The following MAPT variants were observed in gnomAD, a reference collection of about 807,000 sequenced individuals.
MAPT encodes microtubule-associated protein tau.
Under a neutral mutation model 67.9 loss-of-function variants are expected in MAPT, and 34 were observed. The observed-to-expected ratio is 0.50, with a 90% CI of 0.38 to 0.67. The LOEUF is 0.67. Among genes scored for constraint, MAPT ranks in the 30% least tolerant of loss-of-function variants. The pLI, the probability that MAPT is intolerant of heterozygous loss-of-function variation, is 0.00. For synonymous variants in MAPT, 456 were observed against 464.5 expected, an observed-to-expected ratio of 0.98 and a Z score of 0.23; for missense variants, 881 against 1,115.2, an observed-to-expected ratio of 0.79 and a Z score of 2.99.
chr17:45,997,405 C>T (rs1000324078), intron 9 of MAPT, among the ~76,000 whole-genome samples: 3 of 152,174 alleles, frequency 2.0e-5, no homozygotes, highest in South Asian at 2.1e-4. Flanking sequence ...TGTCCTGCAC[C>T]GCTGCAGTCT....
rs548280184 is a variant in MAPT, at chr17:45,974,057, A to G, written c.220+2112A>G. ...CTTAAGGATCATATAGTTGTAAGCA[A>G]TCATCTGGTTTTCAGTATTTCTTCT... On this transcript the variant is annotated intron_variant, in intron 3 of 12. Transcript: ENST00000262410. The G allele has an allele frequency of 7.2e-4, 283 of 394,554 alleles. 4 individuals are homozygous for G. The highest frequency in any genetic ancestry group is 6.7e-3 in the South Asian group (271 of 40,636). 24.4% of individuals were successfully genotyped at this position (394,554 alleles called of 1,614,324 possible).
chr17:45,938,637 T>A (rs1247358659), intron 1 of MAPT, among the ~76,000 whole-genome samples: 1 of 149,358 alleles, frequency 6.7e-6, no homozygotes, highest in African/African-American at 2.4e-5. Flanking sequence ...TTCATTTTTT[T>A]AATTAAGATT....
chr17:45,932,769 A>G (rs2066962251), intron 1 of MAPT, among the ~76,000 whole-genome samples: 1 of 152,168 alleles, frequency 6.6e-6, no homozygotes, highest in Admixed American at 6.5e-5. Context: ...ACTAACACTG[A>G]GATCGCACCA....
chr17:46,020,621 A>G (rs2076472911), intron 12 of MAPT, among the ~76,000 whole-genome samples: 1 of 152,206 alleles, frequency 6.6e-6, no homozygotes, highest in South Asian at 2.1e-4. Context: ...GAGGCCTGAC[A>G]ATCATGGTGG....
rs2067963357 is a variant in MAPT, at chr17:45,941,699, CTGCCTG to C, written c.-17-20621_-17-20616del. 9.9e-5 allele frequency among the ~76,000 whole-genome samples: 6 copies of C among 60,578 alleles called. 1 individual carries two copies. Among genetic ancestry groups the C allele is most frequent in the Non-Finnish European group, 1.7e-4 (5 of 29,304 alleles). 39.7% of individuals were successfully genotyped at this position (60,578 alleles called of 152,430 possible). On this transcript the variant is annotated intron_variant, in intron 1 of 12. Coordinates refer to ENST00000262410, the MANE Select transcript of MAPT (RefSeq NM_001377265.1). ...CCTTCCCTCCTTCCTTCCTTCCTTC[CTGCCTG>C]CCTTCCTTCCTTCCTTCCTTCCTTC...
Position 46,028,159 on chromosome 17 carries a change from G to C in MAPT, c.*3988G>C, listed in dbSNP as rs545086637. 9 of 126,214 alleles carry C rather than the reference G, an allele frequency of 7.1e-5. No individual in the cohort carries two copies. The highest frequency in any genetic ancestry group is 1.8e-4 in the African/African-American group (6 of 33,258). The allele number at this position is 126,214 out of a possible 1,614,324, so 7.8% of individuals were successfully genotyped here. On this transcript the variant is annotated 3_prime_UTR_variant, in exon 13 of 13. Coordinates refer to ENST00000262410, the MANE Select transcript of MAPT (RefSeq NM_001377265.1). ...TTGAGCAGGACTATTTCTGGCACTT[G>C]CAAGTCCCATGATTTCTTCGGTAAT...
chr17:46,009,332 A>G (rs2075665165), intron 9 of MAPT, among the ~76,000 whole-genome samples: 1 of 152,162 alleles, frequency 6.6e-6, no homozygotes, highest in African/African-American at 2.4e-5. Flanking sequence ...AGTTTTTCCA[A>G]CTCCCTAAAC....
At chr17:45,930,167 A>G (rs979871823) in intron 1 of MAPT, among the ~76,000 whole-genome samples, 14 of 152,218 alleles carry the variant, frequency 9.2e-5, no homozygotes, top group East Asian at 7.7e-4. Context: ...TGGGAGGCCA[A>G]GACAGATTGA....
At chr17:46,008,222 G>A (rs997971757) in intron 9 of MAPT, among the ~76,000 whole-genome samples, 7 of 152,108 alleles carry the variant, frequency 4.6e-5, no homozygotes, top group East Asian at 1.9e-4. Context: ...TCAACCTCCC[G>A]AGTAGCTGGG....
chr17:46,001,215 T>C (rs2074972009), intron 9 of MAPT, among the ~76,000 whole-genome samples: 2 of 152,152 alleles, frequency 1.3e-5, no homozygotes, highest in South Asian at 4.1e-4. Flanking sequence ...GGCGAGACCC[T>C]GTATCAAAAA....
At position 45,999,631 on chromosome 17, in the gene MAPT, A is replaced by AG. The variant is rs766928748; in HGVS notation, c.1998+2971dup. The AG allele has an allele frequency of 3.1e-6, 5 of 1,610,752 alleles. No homozygotes were observed. In the South Asian group the frequency reaches 5.5e-5, roughly 18 times the overall value. On this transcript the variant is annotated intron_variant, in intron 9 of 12. Coordinates refer to ENST00000262410, the MANE Select transcript of MAPT (RefSeq NM_001377265.1). Reference sequence around the variant, plus strand: ...TGCAGCTGCCCTGCCTCTGCCCATGAGGGGTGAGAGTCAGGCGACCTCATG... The same window carrying AG: ...TGCAGCTGCCCTGCCTCTGCCCATGAGGGGGTGAGAGTCAGGCGACCTCATG...
chr17:45,933,299 A>C (rs2067020613), intron 1 of MAPT, among the ~76,000 whole-genome samples: 1 of 144,398 alleles, frequency 6.9e-6, no homozygotes. Flanking sequence ...GCTGGAATGC[A>C]GTGACTGCAG....
At chr17:45,967,506 C>T (rs2071208520) in intron 2 of MAPT, among the ~76,000 whole-genome samples, 1 of 152,230 alleles carries the variant, frequency 6.6e-6, no homozygotes, top group Admixed American at 6.5e-5. Flanking sequence ...TTTGCAAAAG[C>T]TCCAGGACCA....
chr17:45,926,947 A>G (rs1203935908), intron 1 of MAPT, among the ~76,000 whole-genome samples: 1 of 108,112 alleles, frequency 9.2e-6, no homozygotes, highest in Non-Finnish European at 2.6e-5. Context: ...ACATATATAT[A>G]CATATATGTG....
chr17:46,000,025 T>C (rs1037193890), intron 9 of MAPT, among the ~76,000 whole-genome samples: 5 of 152,226 alleles, frequency 3.3e-5, no homozygotes, highest in Admixed American at 6.5e-5. Context: ...CCACGAGCTT[T>C]TGCTGAGACC....
chr17:45,923,159 G>T (rs2065923221), intron 1 of MAPT, among the ~76,000 whole-genome samples: 1 of 152,104 alleles, frequency 6.6e-6, no homozygotes, highest in Non-Finnish European at 1.5e-5. Context: ...GCAGGGGTAG[G>T]ACTCCTGGCC....
At chr17:46,016,968 C>T (rs2146124558) in intron 11 of MAPT, among the ~76,000 whole-genome samples, 1 of 152,312 alleles carries the variant, frequency 6.6e-6, no homozygotes, top group South Asian at 2.1e-4. Flanking sequence ...CCCCGAGAGT[C>T]CAGAGCGGGG....
At chr17:45,982,795 A>G (rs2073103049) in intron 4 of MAPT, 71 bp from the exon 5 acceptor site, 1 of 812,420 alleles carries the variant, frequency 1.2e-6, no homozygotes, top group Non-Finnish European at 1.6e-6. Flanking sequence ...TTTGTCCAGG[A>G]TGATGCTCCC....
chr17:45,978,085 G>C (rs1048966216), intron 3 of MAPT: 2 of 460,800 alleles, frequency 4.3e-6, no homozygotes, highest in Non-Finnish European at 8.0e-6. Flanking sequence ...GTGTGTCCTT[G>C]TTGAGTGAGG....
Sources: gnomAD v4.1 joint callset for allele counts (sites outside exome capture counted in the v4.1 genomes callset) on GRCh38, gnomAD v4.1.1 for gene constraint, MANE v1.5 for transcripts, NCBI Gene and HGNC (gene_info 2026-07-23, HGNC 2026-07-21) for gene names.